The following BCAM variants were observed in gnomAD, a reference collection of about 807,000 sequenced individuals.
BCAM encodes the protein basal cell adhesion molecule.
In BCAM, 61 loss-of-function variants were observed where a neutral mutation model predicts 72.4. The ratio of observed to expected loss-of-function variants is 0.84; its 90% CI spans 0.69 to 1.04. The LOEUF (loss-of-function observed/expected upper bound fraction) is 1.04. Ranked by LOEUF, BCAM falls within the 50% of genes least tolerant of loss-of-function variation. The pLI, the probability that BCAM is intolerant of heterozygous loss-of-function variation, is 0.00. For missense variants in BCAM, 909 were observed against 895.0 expected (o/e 1.02, Z -0.20); for synonymous variants, 408 against 384.2 (o/e 1.06, Z -0.73).
intron 2 of BCAM, chr19:44,811,839 C>T (rs935333221): frequency 2.2e-5 from 9 of 416,304 alleles, no homozygotes; most frequent in South Asian, 5.9e-5. Flanking sequence ...GAGCCGAGAT[C>T]GAGCCAATGC....
rs28399613 is a variant in BCAM at position 44,813,881 on chromosome 19, C to T, written c.784+261C>T. ...AAATGGTGCTTTCCACCTTCTCACA[C>T]TGAATTGGGTCCCCCCATGACATCT... is the stretch of plus-strand genomic sequence containing the variant. On this transcript the variant is annotated intron_variant, in intron 6 of 14. Transcript: ENST00000270233. The surrounding 1 kb of genome is among the most constrained non-coding windows in gnomAD (Gnocchi z 4.2). Among the ~76,000 whole-genome samples the T allele has an allele frequency of 0.045, 6,830 of 152,284 alleles. 272 individuals are homozygous for T. Among genetic ancestry groups the T allele is most frequent in the African/African-American group, 0.1 (4,152 of 41,546 alleles).
At position 44,818,803 on chromosome 19, in the gene BCAM, T is replaced by A; in HGVS notation, c.1257T>A (p.Asn419Lys). The change falls in exon 10 of 15, where the codon AAT (asparagine) becomes AAA (lysine). Residue 419 changes from asparagine (N) to lysine (K), a missense_variant. Transcript: ENST00000270233. The surrounding 1 kb of genome is among the most constrained non-coding windows in gnomAD (Gnocchi z 4.6). ...TCAGTTCTATCACCTTCGATTCCAA[T>A]GGCACCTACGTATGTGAGGCCTCCC... ...LSLSSITFDS[N>K]GTYVCEASLP... The A allele has an allele frequency of 1.2e-6, 2 of 1,614,070 alleles. No individual in the cohort carries two copies. Among genetic ancestry groups the A allele is most frequent in the Non-Finnish European group, 1.7e-6 (2 of 1,179,982 alleles).
chr19:44,820,611 C>T (rs930500603), intron 13 of BCAM, 94 bp from the exon 14 acceptor site: 11 of 1,326,476 alleles, frequency 8.3e-6, no homozygotes, highest in Non-Finnish European at 1.1e-5. Context: ...CATCCCCAGC[C>T]GCATCCTAGT....
intron 2 of BCAM, 71 bp downstream of exon 2, chr19:44,811,417 T>G: frequency 1.2e-6 from 2 of 1,600,456 alleles, no homozygotes; most frequent in Non-Finnish European, 1.7e-6. Flanking sequence ...CTCTCATCAG[T>G]GCCTAAGGCC....
At position 44,821,240 on chromosome 19, in the gene BCAM, T is replaced by G. The variant is rs866955993; in HGVS notation, c.*319T>G. On this transcript the variant is annotated 3_prime_UTR_variant, in exon 15 of 15. Coordinates refer to ENST00000270233, the MANE Select transcript of BCAM (RefSeq NM_005581.5). ...TCCGAGGGTCGGCTGGCCGGAGCTA[T>G]TTTTACCTCCCGCCTCCCCTGCTGG... 1 of 343,278 alleles carries G rather than the reference T, an allele frequency of 2.9e-6. No homozygotes were observed. The highest frequency in any genetic ancestry group is 5.3e-6 in the Non-Finnish European group (1 of 189,288). The allele number at this position is 343,278 out of a possible 1,614,324, so 21.3% of individuals were successfully genotyped here. A position where few individuals can be genotyped will look rare whatever the true frequency, so the allele number is the denominator to read the frequency against.
rs368932224 is a variant in BCAM at position 44,814,113 on chromosome 19, C to T, written c.785-39C>T. ...CGCCTGTCCTCTAGCCTTGACCCTT[C>T]CCCTGATCACAATTCCCATCTCCCT... On this transcript the variant is annotated intron_variant, in intron 6 of 14. Coordinates refer to ENST00000270233, the MANE Select transcript of BCAM (RefSeq NM_005581.5). The surrounding 1 kb of genome is among the most constrained non-coding windows in gnomAD (Gnocchi z 4.6). The T allele has an allele frequency of 1.5e-3, 2,266 of 1,551,328 alleles. 51 individuals are homozygous for T. In the South Asian group the frequency reaches 0.026, roughly 18 times the overall value.
rs1568571536 is a variant in BCAM, at chr19:44,812,626, G to A, written c.504+78G>A. 3 of 1,549,512 alleles carry A rather than the reference G, an allele frequency of 1.9e-6. No homozygotes were observed. In the South Asian group the frequency reaches 3.5e-5, roughly 18 times the overall value. On this transcript the variant is annotated intron_variant, in intron 4 of 14. Coordinates refer to ENST00000270233, the MANE Select transcript of BCAM (RefSeq NM_005581.5). The surrounding 1 kb of genome is among the most constrained non-coding windows in gnomAD (Gnocchi z 5.3). ...GCCCTGGACTCCTGGGTCTGAGGGA[G>A]GAGGGGCTGGGGACCCCTGGGTAAT... is the stretch of plus-strand genomic sequence containing the variant.
At position 44,813,425 on chromosome 19, in the gene BCAM, C is replaced by T. The variant is rs763419666; in HGVS notation, c.602-13C>T. On this transcript the variant is annotated splice_polypyrimidine_tract_variant and intron_variant, in intron 5 of 14. Coordinates refer to ENST00000270233, the MANE Select transcript of BCAM (RefSeq NM_005581.5). The surrounding 1 kb of genome is among the most constrained non-coding windows in gnomAD (Gnocchi z 4.2). The stretch of plus-strand genomic sequence containing the variant: ...TGGCCTGGCTGACTGCCACCTCCCC[C>T]GATCTCTCCCAGAGGGCTACATGAC... The T allele has an allele frequency of 7.5e-6, 12 of 1,608,210 alleles. No homozygotes were observed. The highest frequency in any genetic ancestry group is 2.7e-5 in the African/African-American group (2 of 74,848).
Position 44,818,864 on chromosome 19 carries a change from T to C in BCAM, c.1318T>C (p.Phe440Leu), listed in dbSNP as rs781526566. Residue 440 changes from phenylalanine (F) to leucine (L), a missense_variant, in exon 10 of 15, where the codon TTC becomes CTC. Coordinates refer to ENST00000270233, the MANE Select transcript of BCAM (RefSeq NM_005581.5). The surrounding 1 kb of genome is among the most constrained non-coding windows in gnomAD (Gnocchi z 4.6). ...CCCGGTCCTCAGCCGCACCCAGAAC[T>C]TCACGCTGCTGGTCCAAGGTTCAGG... ...TVPVLSRTQN[F>L]TLLVQGSPEL... 6.2e-7 allele frequency: 1 copy of C among 1,614,042 alleles called. No individual in the cohort carries two copies. The highest frequency in any genetic ancestry group is 1.1e-5 in the South Asian group (1 of 91,076).
intron 13 of BCAM, chr19:44,820,500 T>C: frequency 1.6e-6 from 2 of 1,260,052 alleles, no homozygotes; most frequent in Non-Finnish European, 2.0e-6. Context: ...CCAACCCCAA[T>C]AGCATCTGCA....
Position 44,812,333 on chromosome 19 carries a change from C to A in BCAM, c.375C>A (p.Cys125Ter), listed in dbSNP as rs1262729541. Reference protein sequence around the residue: ...AQVGDERDYVCVVRAGAAGTA... With the variant: ...AQVGDERDYV ...TGGGCGACGAGCGAGACTACGTGTG[C>A]GTGGTGAGGGCAGGGGCGGCAGGCA... Residue 125 changes from cysteine to a stop codon, truncating the protein, a stop_gained, in exon 3 of 15, where the codon TGC (cysteine) becomes TGA (stop). Coordinates refer to ENST00000270233, the MANE Select transcript of BCAM (RefSeq NM_005581.5). LOFTEE classifies it high-confidence loss of function. The surrounding 1 kb of genome is among the most constrained non-coding windows in gnomAD (Gnocchi z 5.3). 6.2e-7 allele frequency: 1 copy of A among 1,613,170 alleles called. No individual in the cohort carries two copies. Among genetic ancestry groups the A allele is most frequent in the East Asian group, 2.2e-5 (1 of 44,850 alleles).
In BCAM at chr19:44,819,141, T is replaced by C; in HGVS notation, c.1422T>C (p.Ser474=). ...REGDEVTLIC[S]ARGHPDPKLS... is the part of the protein sequence containing the mutation. ...GAGACGAAGTCACACTCATCTGCTC[T>C]GCCCGCGGCCATCCAGACCCCAAAC... Residue 474 remains serine, a synonymous_variant, in exon 11 of 15, where the codon TCT becomes TCC. Coordinates refer to ENST00000270233, the MANE Select transcript of BCAM (RefSeq NM_005581.5). 1 of 1,614,108 alleles carries C rather than the reference T, an allele frequency of 6.2e-7. No homozygotes were observed. The highest frequency in any genetic ancestry group is 8.5e-7 in the Non-Finnish European group (1 of 1,179,982).
At position 44,819,443 on chromosome 19, in the gene BCAM, C is replaced by T; in HGVS notation, c.1571C>T (p.Ala524Val). ...ALSRDGISCE[A>V]SNPHGNKRHV... is the part of the protein sequence containing the mutation. ...AGCCGCGATGGCATCTCCTGTGAAG[C>T]CTCCAACCCCCACGGGAACAAGCGC... Residue 524 changes from alanine (A) to valine (V), a missense_variant, in exon 12 of 15, where the codon GCC becomes GTC. Ala to Val is a moderately conservative substitution (Grantham distance 64). Coordinates refer to ENST00000270233, the MANE Select transcript of BCAM (RefSeq NM_005581.5). 1 of 1,614,076 alleles carries T rather than the reference C, an allele frequency of 6.2e-7. No homozygotes were observed. Among genetic ancestry groups the T allele is most frequent in the Non-Finnish European group, 8.5e-7 (1 of 1,179,950 alleles).
At position 44,819,499 on chromosome 19, in the gene BCAM, C is replaced by T. The variant is rs1396316176; in HGVS notation, c.1618+9C>T. ...CTTCCACTTCGGCACCGGTGAGTGA[C>T]TGAGGTGGTGGCAGAGGAGCCGGGT... is the stretch of plus-strand genomic sequence containing the variant. On this transcript the variant is annotated intron_variant, in intron 12 of 14. Coordinates refer to ENST00000270233, the MANE Select transcript of BCAM (RefSeq NM_005581.5). 4 of 1,613,900 alleles carry T rather than the reference C, an allele frequency of 2.5e-6. No individual in the cohort carries two copies. The East Asian group carries it at 6.7e-5, about 27-fold the overall frequency.
At chr19:44,817,821 G>T (rs1173952690) in intron 8 of BCAM, among the ~76,000 whole-genome samples, 1 of 152,200 alleles carries the variant, frequency 6.6e-6, no homozygotes, top group Non-Finnish European at 1.5e-5. Flanking sequence ...TGGGGTTATA[G>T]GCATGAGCCA....
rs1020434294 is a variant in BCAM at position 44,821,166 on chromosome 19, C to G, written c.*245C>G. 2.0e-6 allele frequency: 1 copy of G among 509,452 alleles called. No homozygotes were observed. The highest frequency in any genetic ancestry group is 3.3e-6 in the Non-Finnish European group (1 of 299,330). 31.6% of individuals were successfully genotyped at this position (509,452 alleles called of 1,614,324 possible). A position where few individuals can be genotyped will look rare whatever the true frequency, so the allele number is the denominator to read the frequency against. ...TCCAGGGAATGTGACTCTCCCAGGC[C>G]CCAGAATAGCTCCTGGACCCAAGCC... On this transcript the variant is annotated 3_prime_UTR_variant, in exon 15 of 15. Transcript: ENST00000270233.
chr19:44,818,966 C>A lies in BCAM; in HGVS notation c.1336+84C>A. Reference sequence around the variant, plus strand: ...GACAAACAGGACGAGTTCCTGAGTCCCTGGCTGGGGACTCCATCTTCTGCT... The same window carrying A: ...GACAAACAGGACGAGTTCCTGAGTCACTGGCTGGGGACTCCATCTTCTGCT... On this transcript the variant is annotated intron_variant, in intron 10 of 14. Coordinates refer to ENST00000270233, the MANE Select transcript of BCAM (RefSeq NM_005581.5). This position sits in a 1 kb window ranked among gnomAD's most constrained non-coding sequence, Gnocchi z 4.6. The A allele has an allele frequency of 2.5e-6, 4 of 1,597,596 alleles. No individual in the cohort carries two copies. The highest frequency in any genetic ancestry group is 3.4e-6 in the Non-Finnish European group (4 of 1,170,088).
Position 44,820,314 on chromosome 19 carries a change from C to T in BCAM, c.1764-391C>T, listed in dbSNP as rs1036088999. Reference sequence around the variant, plus strand: ...TCCACCGTCCCGAAGCCAACTTCACCCATGTCCCCATCCCCAATCTTGTCC... The same window carrying T: ...TCCACCGTCCCGAAGCCAACTTCACTCATGTCCCCATCCCCAATCTTGTCC... On this transcript the variant is annotated intron_variant, in intron 13 of 14. Coordinates refer to ENST00000270233, the MANE Select transcript of BCAM (RefSeq NM_005581.5). 1.7e-5 allele frequency: 18 copies of T among 1,040,788 alleles called. No individual in the cohort carries two copies. In the South Asian group the frequency reaches 3.4e-4, roughly 20 times the overall value. The allele number at this position is 1,040,788 out of a possible 1,614,324, so 64.5% of individuals were successfully genotyped here.
rs1568572415 is a variant in BCAM, at chr19:44,814,122, A to C, written c.785-30A>C. Reference sequence around the variant, plus strand: ...TCTAGCCTTGACCCTTCCCCTGATCACAATTCCCATCTCCCTGCCCTTCCC... The same window carrying C: ...TCTAGCCTTGACCCTTCCCCTGATCCCAATTCCCATCTCCCTGCCCTTCCC... On this transcript the variant is annotated intron_variant, in intron 6 of 14. Transcript: ENST00000270233. The surrounding 1 kb of genome is among the most constrained non-coding windows in gnomAD (Gnocchi z 4.6). The C allele has an allele frequency of 6.4e-7, 1 of 1,556,562 alleles. No individual in the cohort carries two copies. The highest frequency in any genetic ancestry group is 8.6e-7 in the Non-Finnish European group (1 of 1,159,348).
Sources: gnomAD v4.1 joint callset for allele counts (sites outside exome capture counted in the v4.1 genomes callset) on GRCh38, gnomAD v4.1.1 for gene constraint, Gnocchi (gnomAD v3.1) non-coding constraint, MANE v1.5 for transcripts, NCBI Gene and HGNC (gene_info 2026-07-23, HGNC 2026-07-21) for gene names.